AKR1E2: variants seen among roughly 807,000 people sequenced by gnomAD.
AKR1E2 encodes the protein aldo-keto reductase family 1 member E2.
In AKR1E2, 43 loss-of-function variants were observed where a neutral mutation model predicts 41.9. The ratio of observed to expected loss-of-function variants is 1.03; its 90% CI spans 0.80 to 1.32. AKR1E2 has a LOEUF of 1.32. AKR1E2 is among the 40% of genes most tolerant of loss of function. The pLI, the probability that AKR1E2 is intolerant of heterozygous loss-of-function variation, is 0.00. For synonymous variants in AKR1E2, 121 were observed against 138.9 expected, an observed-to-expected ratio of 0.87 and a Z score of 0.91; for missense variants, 423 against 396.5, an observed-to-expected ratio of 1.07 and a Z score of -0.57.
chr10:4,827,975 C>A (rs1373005758), intron 1 of AKR1E2, among the ~76,000 whole-genome samples: 1 of 152,182 alleles, frequency 6.6e-6, no homozygotes, highest in Non-Finnish European at 1.5e-5. Flanking sequence ...ATTTATTTTT[C>A]TTGGACTGCA....
At chr10:4,852,883 C>T (rs1215734436), downstream of AKR1E2, among the ~76,000 whole-genome samples, 6 of 152,126 alleles carry the variant, frequency 3.9e-5, no homozygotes, top group Admixed American at 6.5e-5. Flanking sequence ...AGGACTTTTC[C>T]TTCTGTGTCC....
At chr10:4,863,815 A>G in the AKR1E2 span, among the ~76,000 whole-genome samples, 1 of 152,246 alleles carries the variant, frequency 6.6e-6, no homozygotes, top group Non-Finnish European at 1.5e-5. Flanking sequence ...AACTACCATC[A>G]GAGAATACTG....
intron 5 of AKR1E2, among the ~76,000 whole-genome samples, chr10:4,837,882 C>T (rs1216502813): frequency 6.6e-6 from 1 of 152,234 alleles, no homozygotes; most frequent in Admixed American, 6.5e-5. Flanking sequence ...AGGTGCCTCA[C>T]CCTTATCCAG....
the AKR1E2 span, among the ~76,000 whole-genome samples, chr10:4,869,272 A>G: frequency 7.2e-5 from 11 of 152,152 alleles, no homozygotes; most frequent in African/African-American, 1.9e-4. Context: ...GGTATTTTTC[A>G]GGGGAATTGG....
chr10:4,863,788 G>A, the AKR1E2 span, among the ~76,000 whole-genome samples: 41 of 151,998 alleles, frequency 2.7e-4, no homozygotes, highest in African/African-American at 9.2e-4. Context: ...TATCACCACC[G>A]ATCCCACAGA....
At chr10:4,863,592 G>A in the AKR1E2 span, among the ~76,000 whole-genome samples, 1 of 151,968 alleles carries the variant, frequency 6.6e-6, no homozygotes, top group South Asian at 2.1e-4. Context: ...CTAGCAGAAG[G>A]CAAGAAATAA....
At chr10:4,866,642 T>TG in the AKR1E2 span, among the ~76,000 whole-genome samples, 45 of 120,412 alleles carry the variant, frequency 3.7e-4, 1 homozygote, top group Admixed American at 2.3e-3. Flanking sequence ...TGTTTTTGTT[T>TG]TTGTTTTTTT....
chr10:4,835,510 A>G (rs568760108), intron 3 of AKR1E2, among the ~76,000 whole-genome samples, 165 bp from the exon 4 acceptor site: 1 of 152,240 alleles, frequency 6.6e-6, no homozygotes, highest in Non-Finnish European at 1.5e-5. Context: ...CCAGTCCACC[A>G]GCCATTCATC....
chr10:4,846,549 C>CTTT (rs760426996), intron 8 of AKR1E2, among the ~76,000 whole-genome samples: 4,805 of 141,092 alleles, frequency 0.034, 130 homozygotes, highest in East Asian at 0.11. Flanking sequence ...CTGTGCCATC[C>CTTT]TTTTTTTTTT....
At chr10:4,826,189 A>T (rs2131472469), upstream of AKR1E2, 1 of 610,052 alleles carries the variant, frequency 1.6e-6, no homozygotes, top group East Asian at 3.5e-5. Context: ...GCTTCCAGCC[A>T]TTGTCGGAGT....
chr10:4,828,050 C>T (rs2924274), intron 1 of AKR1E2, among the ~76,000 whole-genome samples: 132,688 of 152,250 alleles, frequency 0.87, 59,319 homozygotes, highest in East Asian at 0.98. Flanking sequence ...TATTTTTACT[C>T]GTCTATTTTT....
chr10:4,840,295 A>C (rs899339333), intron 6 of AKR1E2, among the ~76,000 whole-genome samples: 2 of 152,202 alleles, frequency 1.3e-5, no homozygotes, highest in Admixed American at 6.5e-5. Context: ...ATCCCTTCCC[A>C]CATCCCGAGT....
chr10:4,829,877 C>T (rs761042169), intron 1 of AKR1E2, among the ~76,000 whole-genome samples: 1 of 152,234 alleles, frequency 6.6e-6, no homozygotes, highest in Admixed American at 6.5e-5. Context: ...TTCTCTGTTA[C>T]ATCTTTGTTT....
chr10:4,827,829 G>A (rs1291769792), intron 1 of AKR1E2, among the ~76,000 whole-genome samples: 1 of 152,132 alleles, frequency 6.6e-6, no homozygotes, highest in Non-Finnish European at 1.5e-5. Context: ...CATTCAGTAA[G>A]CACTCGATGG....
chr10:4,850,113 C>T (rs146461886), downstream of AKR1E2, among the ~76,000 whole-genome samples: 15 of 152,284 alleles, frequency 9.9e-5, no homozygotes, highest in Non-Finnish European at 1.9e-4. Flanking sequence ...GTGGAGCTGA[C>T]AAGCCCTCCC....
chr10:4,868,768 G>T, the AKR1E2 span, among the ~76,000 whole-genome samples: 3 of 152,050 alleles, frequency 2.0e-5, no homozygotes, highest in Non-Finnish European at 4.4e-5. Flanking sequence ...TTTGTCAAAT[G>T]CTTTCACTGC....
At chr10:4,837,694 T>G in intron 5 of AKR1E2, 113 bp downstream of exon 5, 48 of 1,426,168 alleles carry the variant, frequency 3.4e-5, no homozygotes, top group Non-Finnish European at 3.9e-5. Flanking sequence ...AACAGGCCTG[T>G]TCTCCTCTGG....
chr10:4,837,603 A>G (rs764820852), intron 5 of AKR1E2, 22 bp downstream of exon 5: 1 of 1,609,850 alleles, frequency 6.2e-7, no homozygotes, highest in East Asian at 2.2e-5. Context: ...GAAGCATCAG[A>G]GAGTTTAACC....
chr10:4,842,552 G>T (rs758856697), intron 8 of AKR1E2, 48 bp downstream of exon 8: 1 of 1,538,758 alleles, frequency 6.5e-7, no homozygotes, highest in Non-Finnish European at 9.0e-7. Context: ...TCATGTGTTA[G>T]ATGGGAAGGG....
Sources: gnomAD v4.1 joint callset for allele counts (sites outside exome capture counted in the v4.1 genomes callset) on GRCh38, gnomAD v4.1.1 for gene constraint, MANE v1.5 for transcripts, NCBI Gene and HGNC (gene_info 2026-07-23, HGNC 2026-07-21) for gene names.